Variants in PIP4K2C observed in about 807,000 individuals in gnomAD.
The protein encoded by PIP4K2C is phosphatidylinositol 5-phosphate 4-kinase type-2 gamma.
Under a neutral mutation model 45.0 loss-of-function variants are expected in PIP4K2C, and 21 were observed. The observed-to-expected ratio is 0.47, with a 90% CI of 0.33 to 0.67. The LOEUF (loss-of-function observed/expected upper bound fraction) is 0.67, where lower values mean the gene tolerates loss of function less well. PIP4K2C is among the 30% of genes least tolerant of loss of function. The pLI is 0.02. For synonymous variants in PIP4K2C, 201 were observed against 204.8 expected (o/e 0.98, Z 0.16); for missense variants, 456 against 542.8 (o/e 0.84, Z 1.59).
At position 57,591,210 on chromosome 12, in the gene PIP4K2C, C is replaced by G; in HGVS notation, c.-80C>G. The stretch of plus-strand genomic sequence containing the variant: ...GGCCTCCGGTCACGTGACAGCAGCG[C>G]AGGTGAGCGCCGCTTCCGGGGTCGG... On this transcript the variant is annotated 5_prime_UTR_variant, in exon 1 of 10. Transcript: ENST00000354947. The G allele has an allele frequency of 6.9e-7, 1 of 1,449,752 alleles. No homozygotes were observed. The highest frequency in any genetic ancestry group is 9.4e-7 in the Non-Finnish European group (1 of 1,063,018). The allele number at this position is 1,449,752 out of a possible 1,614,324, so 89.8% of individuals were successfully genotyped here.
intron 6 of PIP4K2C, 71 bp from the exon 7 acceptor site, chr12:57,600,253 A>C: frequency 2.2e-6 from 2 of 904,394 alleles, no homozygotes; most frequent in Non-Finnish European, 3.5e-6. Flanking sequence ...ATAGAGCCCT[A>C]GACAGAAGGT....
chr12:57,603,279 C>G lies in PIP4K2C; in HGVS notation c.*1673C>G, dbSNP rs944341372. 1 of 152,620 alleles carries G rather than the reference C, an allele frequency of 6.6e-6. No homozygotes were observed. The allele number at this position is 152,620 out of a possible 1,614,324, so 9.5% of individuals were successfully genotyped here. A position where few individuals can be genotyped will look rare whatever the true frequency, so the allele number is the denominator to read the frequency against. On this transcript the variant is annotated 3_prime_UTR_variant, in exon 10 of 10. Coordinates refer to ENST00000354947, the MANE Select transcript of PIP4K2C (RefSeq NM_024779.5). ...GCTCTTTAGAAATGGGTTTTCTGAT[C>G]ATATGGCTGATGTGTTATGGGCAGT...
At chr12:57,591,707 C>T (rs543371949) in intron 1 of PIP4K2C, among the ~76,000 whole-genome samples, 2 of 152,332 alleles carry the variant, frequency 1.3e-5, no homozygotes, top group Non-Finnish European at 2.9e-5. Context: ...AATCCAGCTC[C>T]CTGTGCTTTG....
intron 2 of PIP4K2C, among the ~76,000 whole-genome samples, chr12:57,594,687 G>A (rs115175751): frequency 0.011 from 1,633 of 152,228 alleles, 31 homozygotes; most frequent in African/African-American, 0.037. Flanking sequence ...GACCTCACAA[G>A]GGCCAGGCGT....
chr12:57,591,284 G>T lies in PIP4K2C; in HGVS notation c.-6G>T. On this transcript the variant is annotated 5_prime_UTR_variant, in exon 1 of 10. Coordinates refer to ENST00000354947, the MANE Select transcript of PIP4K2C (RefSeq NM_024779.5). ...GGCTTCCACTTGGTCGGTTGCGCGG[G>T]AGACTATGGCGTCCTCCTCGGTCCC... 1 of 1,600,512 alleles carries T rather than the reference G, an allele frequency of 6.2e-7. No homozygotes were observed. Among genetic ancestry groups the T allele is most frequent in the Non-Finnish European group, 8.5e-7 (1 of 1,171,280 alleles).
chr12:57,601,751 G>C lies in PIP4K2C; in HGVS notation c.*145G>C. 2.9e-6 allele frequency: 2 copies of C among 699,674 alleles called. No individual in the cohort carries two copies. Among genetic ancestry groups the C allele is most frequent in the Non-Finnish European group, 5.1e-6 (2 of 394,876 alleles). 43.3% of individuals were successfully genotyped at this position (699,674 alleles called of 1,614,324 possible). A position where few individuals can be genotyped will look rare whatever the true frequency, so the allele number is the denominator to read the frequency against. ...CCTTCCATCCAGATAACTCCATCCT[G>C]TCGAGTAGGCTCTTTCTGACCCTCA... On this transcript the variant is annotated 3_prime_UTR_variant, in exon 10 of 10. Transcript: ENST00000354947.
intron 3 of PIP4K2C, among the ~76,000 whole-genome samples, 196 bp from the exon 4 acceptor site, chr12:57,595,692 G>T (rs1270442775): frequency 8.6e-6 from 1 of 116,540 alleles, no homozygotes; most frequent in Non-Finnish European, 1.8e-5. Context: ...GACAGAGCGA[G>T]ACTCCTTGTC....
intron 2 of PIP4K2C, 129 bp from the exon 3 acceptor site, chr12:57,594,997 A>T: frequency 1.6e-6 from 1 of 614,386 alleles, no homozygotes. Context: ...ATAAAAATTA[A>T]AAAAAAAGGA....
intron 2 of PIP4K2C, among the ~76,000 whole-genome samples, chr12:57,594,517 T>C (rs1047667218): frequency 1.3e-5 from 2 of 152,200 alleles, no homozygotes; most frequent in African/African-American, 4.8e-5. Context: ...GACTTTAGAA[T>C]GCTTCTGACT....
chr12:57,591,431 G>C lies in PIP4K2C; in HGVS notation c.142G>C (p.Val48Leu). 2 of 1,613,596 alleles carry C rather than the reference G, an allele frequency of 1.2e-6. No individual in the cohort carries two copies. Among genetic ancestry groups the C allele is most frequent in the South Asian group, 2.2e-5 (2 of 91,018 alleles). ...VKVFRAADPL[V>L]GVFLWGVAHS... ...GGTGTTCCGGGCGGCCGACCCGCTG[G>C]TGGGTGTGTTCCTGTGGGGCGTAGC... Residue 48 changes from valine (V) to leucine (L), a missense_variant, in exon 1 of 10, where the codon GTG becomes CTG. By Grantham distance (32) the Val-to-Leu change is conservative. Around this residue, in one of 2 missense-constraint regions of PIP4K2C, gnomAD observed 421 missense variants for 473.1 expected, o/e 0.89. Coordinates refer to ENST00000354947, the MANE Select transcript of PIP4K2C (RefSeq NM_024779.5).
At chr12:57,592,344 C>A (rs909925434) in intron 1 of PIP4K2C, among the ~76,000 whole-genome samples, 2 of 152,168 alleles carry the variant, frequency 1.3e-5, no homozygotes, top group African/African-American at 4.8e-5. Context: ...ATGCAGTTAT[C>A]TTGAATGTGA....
chr12:57,600,245 A>G (rs1883370320), intron 6 of PIP4K2C, 79 bp from the exon 7 acceptor site: 1 of 816,492 alleles, frequency 1.2e-6, no homozygotes, highest in Non-Finnish European at 2.0e-6. Context: ...GAGCTAGCAT[A>G]GAGCCCTAGA....
intron 8 of PIP4K2C, 66 bp from the exon 9 acceptor site, chr12:57,601,179 C>G (rs2140194191): frequency 6.3e-7 from 1 of 1,588,420 alleles, no homozygotes; most frequent in Non-Finnish European, 8.6e-7. Context: ...CAGAACAAAA[C>G]TGACTGCTTC....
chr12:57,597,291 G>T (rs765445203), intron 4 of PIP4K2C, among the ~76,000 whole-genome samples: 4 of 152,206 alleles, frequency 2.6e-5, no homozygotes, highest in Admixed American at 1.3e-4. Context: ...ATGAAGGCCT[G>T]GGGGAGCGAT....
chr12:57,596,125 C>A, intron 4 of PIP4K2C, 94 bp downstream of exon 4: 2 of 1,411,062 alleles, frequency 1.4e-6, no homozygotes, highest in Non-Finnish European at 2.0e-6. Flanking sequence ...GGGGAGAAAA[C>A]TCATTGGAAG....
chr12:57,600,788 T>G, intron 7 of PIP4K2C, 23 bp from the exon 8 acceptor site: 1 of 1,613,430 alleles, frequency 6.2e-7, no homozygotes. Flanking sequence ...GAGAGAGGTG[T>G]CTGATTTGTC....
chr12:57,601,469 G>T, intron 9 of PIP4K2C, 57 bp from the exon 10 acceptor site: 1 of 1,549,650 alleles, frequency 6.5e-7, no homozygotes, highest in Non-Finnish European at 8.9e-7. Context: ...TTGGGTGGGG[G>T]TGATGGGGAC....
Position 57,600,972 on chromosome 12 carries a change from T to TG in PIP4K2C, c.977dup (p.Thr327HisfsTer22). 1 of 1,614,212 alleles carries TG rather than the reference T, an allele frequency of 6.2e-7. No individual in the cohort carries two copies. Among genetic ancestry groups the TG allele is most frequent in the Non-Finnish European group, 8.5e-7 (1 of 1,180,046 alleles). On this transcript the variant is annotated frameshift_variant, in exon 8 of 10. Coordinates refer to ENST00000354947, the MANE Select transcript of PIP4K2C (RefSeq NM_024779.5). LOFTEE classifies it high-confidence loss of function. ...GACCTCCTGCTCTGGTGGGCTCCTA[T>TG]GGCACCTCCCCAGAGGGTATCGGAG...
In PIP4K2C at chr12:57,600,335, G is replaced by A. The variant is rs756959155; in HGVS notation, c.711G>A (p.Leu237=). The change falls in exon 7 of 10, where the codon TTG becomes TTA. Residue 237 remains leucine, a synonymous_variant. Transcript: ENST00000354947. ...EASDKEKVKE[L]PTLKDMDFLN... is the part of the protein sequence containing the mutation. ...TTACATATTCTTAGGTTAAAGAATT[G>A]CCCACCCTTAAGGATATGGACTTTC... is the stretch of plus-strand genomic sequence containing the variant. 2 of 1,598,870 alleles carry A rather than the reference G, an allele frequency of 1.3e-6. No individual in the cohort carries two copies. Among genetic ancestry groups the A allele is most frequent in the Admixed American group, 1.7e-5 (1 of 59,388 alleles).
Sources: allele counts gnomAD v4.1 joint callset (sites outside exome capture counted in the v4.1 genomes callset), GRCh38; gene constraint gnomAD v4.1.1; regional missense constraint gnomAD v4.1.1; transcripts MANE v1.5; gene names NCBI Gene and HGNC (gene_info 2026-07-23, HGNC 2026-07-21).